ZNF407: variants seen among roughly 807,000 people sequenced by gnomAD.
ZNF407 encodes the protein zinc finger protein 407.
A neutral mutation model predicts 131.2 loss-of-function variants in ZNF407; 17 were observed. The observed-to-expected ratio is 0.13, with a 90% CI of 0.09 to 0.19. ZNF407 has a LOEUF of 0.19. ZNF407 is among the 10% of genes least tolerant of loss of function. The pLI, the probability that ZNF407 is intolerant of heterozygous loss-of-function variation, is 1.00. For synonymous variants in ZNF407, 1,156 were observed against 1,062.0 expected (o/e 1.09, Z -1.72); for missense variants, 2,681 against 2,830.6 (o/e 0.95, Z 1.20).
chr18:75,045,857 C>CAGA (rs1973429589), intron 8 of ZNF407, among the ~76,000 whole-genome samples: 1 of 152,114 alleles, frequency 6.6e-6, no homozygotes, highest in South Asian at 2.1e-4. Context: ...TACTCTTAAG[C>CAGA]AGAAGGATCA....
chr18:74,930,401 T>C (rs541009768), intron 8 of ZNF407, among the ~76,000 whole-genome samples: 1 of 152,306 alleles, frequency 6.6e-6, no homozygotes, highest in African/African-American at 2.4e-5. Context: ...TTTACCTTTT[T>C]AATCAGTACA....
Position 74,794,984 on chromosome 18 carries a change from A to T in ZNF407, c.4877+13482A>T, listed in dbSNP as rs188524907. Among the ~76,000 whole-genome samples, 412 of 152,282 alleles carry T rather than the reference A, an allele frequency of 2.7e-3. 4 individuals carry two copies. The highest frequency in any genetic ancestry group is 9.4e-3 in the African/African-American group (390 of 41,570). ...TATATTTGTTTAAATGAACAAGAAA[A>T]TGCTTGTTTTTAGTCTTCAGCTTAT... On this transcript the variant is annotated intron_variant, in intron 4 of 8. Coordinates refer to ENST00000299687, the MANE Select transcript of ZNF407 (RefSeq NM_017757.3).
chr18:74,756,182 G>A (rs772506749), intron 3 of ZNF407, among the ~76,000 whole-genome samples: 9 of 151,956 alleles, frequency 5.9e-5, no homozygotes, highest in Non-Finnish European at 1.3e-4. Flanking sequence ...ATGAGCCACA[G>A]CGCCTGGCCA....
intron 3 of ZNF407, among the ~76,000 whole-genome samples, chr18:74,733,284 C>T (rs1465630912): frequency 6.6e-6 from 1 of 152,140 alleles, no homozygotes; most frequent in Non-Finnish European, 1.5e-5. Context: ...TCTTTCTATA[C>T]TAAGCACTCT....
intron 3 of ZNF407, among the ~76,000 whole-genome samples, chr18:74,710,010 AAAT>A (rs1256399663): frequency 1.3e-5 from 2 of 152,222 alleles, no homozygotes; most frequent in East Asian, 3.9e-4. Context: ...GACCTGAAAA[AAAT>A]GTCTGTTTGT....
At chr18:74,639,482 T>C (rs1984611068) in intron 2 of ZNF407, among the ~76,000 whole-genome samples, 1 of 152,234 alleles carries the variant, frequency 6.6e-6, no homozygotes, top group African/African-American at 2.4e-5. Flanking sequence ...ATGTTCAAAG[T>C]AGTGATAGGC....
chr18:74,772,261 A>G (rs1248203115), intron 3 of ZNF407, among the ~76,000 whole-genome samples: 1 of 152,208 alleles, frequency 6.6e-6, no homozygotes, highest in East Asian at 1.9e-4. Context: ...TAAACTATAC[A>G]TCTGTAACTA....
chr18:74,693,157 T>C (rs1189651659), intron 3 of ZNF407, among the ~76,000 whole-genome samples: 1 of 152,228 alleles, frequency 6.6e-6, no homozygotes, highest in Non-Finnish European at 1.5e-5. Context: ...CAAGCTGACA[T>C]GTACATGTAT....
rs761473965 is a variant in ZNF407, at chr18:74,632,552, C to T, written c.1533C>T (p.Ser511=). The change falls in exon 2 of 9, where the codon TCC becomes TCT. Residue 511 remains serine (S), a synonymous_variant. Transcript: ENST00000299687. ...QGQGSARPPD[S]GLHSLTVKPA... ...AGGGGAGTGCCCGTCCTCCGGACTC[C>T]GGGCTGCATTCCCTGACAGTGAAGC... is the stretch of plus-strand genomic sequence containing the variant. 1.3e-5 allele frequency: 21 copies of T among 1,613,896 alleles called. No homozygotes were observed. In the East Asian group the frequency reaches 1.3e-4, roughly 10 times the overall value.
rs926603887 is a variant in ZNF407 at position 74,946,239 on chromosome 18, G to A, written c.5428+25547G>A. ...ACTCCAATTTAGAGAATCATTTTCA[G>A]GTTTGTGACTAACAGTATGATTGAA... On this transcript the variant is annotated intron_variant, in intron 8 of 8. Transcript: ENST00000299687. 1.1e-4 allele frequency among the ~76,000 whole-genome samples: 17 copies of A among 152,258 alleles called. No individual in the cohort carries two copies. The East Asian group carries it at 3.3e-3, about 29-fold the overall frequency.
At chr18:74,661,711 A>G (rs1568152234) in intron 3 of ZNF407, among the ~76,000 whole-genome samples, 2 of 152,216 alleles carry the variant, frequency 1.3e-5, no homozygotes, top group Non-Finnish European at 2.9e-5. Flanking sequence ...TCCATTTTAA[A>G]TAAAACAAAA....
At chr18:74,679,698 T>A (rs546265566) in intron 3 of ZNF407, among the ~76,000 whole-genome samples, 20 of 152,348 alleles carry the variant, frequency 1.3e-4, no homozygotes, top group African/African-American at 4.3e-4. Context: ...GTTGCTTCTT[T>A]GCATCTCCCC....
chr18:74,706,642 A>G (rs1967630096), intron 3 of ZNF407, among the ~76,000 whole-genome samples: 1 of 152,200 alleles, frequency 6.6e-6, no homozygotes, highest in Admixed American at 6.5e-5. Context: ...AACAAAAACA[A>G]TGTGAGAGAA....
rs75811741 is a variant in ZNF407, at chr18:74,899,146, G to A, written c.5249+9108G>A. On this transcript the variant is annotated intron_variant, in intron 7 of 8. Transcript: ENST00000299687. Reference sequence around the variant, plus strand: ...TGTTTCCCTCCAAAAGCAGTAGGGAGCCAGTGGAGGATGTTGAGCAGGAAA... The same window carrying A: ...TGTTTCCCTCCAAAAGCAGTAGGGAACCAGTGGAGGATGTTGAGCAGGAAA... Among the ~76,000 whole-genome samples the A allele has an allele frequency of 2.6e-5, 4 of 152,318 alleles. No homozygotes were observed. The East Asian group carries it at 7.7e-4, about 29-fold the overall frequency.
chr18:74,776,920 TCA>T (rs1969484690), intron 3 of ZNF407, among the ~76,000 whole-genome samples: 1 of 152,190 alleles, frequency 6.6e-6, no homozygotes, highest in Non-Finnish European at 1.5e-5. Context: ...ATAAAGGACT[TCA>T]TCCTTTTGAT....
intron 4 of ZNF407, among the ~76,000 whole-genome samples, chr18:74,813,706 C>T (rs1197140007): frequency 6.6e-6 from 1 of 152,154 alleles, no homozygotes; most frequent in Non-Finnish European, 1.5e-5. Flanking sequence ...GCTCCAAGGG[C>T]CCCTTTGTCC....
chr18:74,753,158 G>A (rs562532182), intron 3 of ZNF407, among the ~76,000 whole-genome samples: 4 of 152,266 alleles, frequency 2.6e-5, no homozygotes, highest in Admixed American at 1.3e-4. Context: ...GTGAATGGGA[G>A]TTCACTCATG....
At chr18:74,656,373 A>G (rs1384735507) in intron 3 of ZNF407, among the ~76,000 whole-genome samples, 3 of 152,148 alleles carry the variant, frequency 2.0e-5, no homozygotes, top group South Asian at 2.1e-4. Flanking sequence ...ACATACATAC[A>G]TTTATACACA....
chr18:74,982,249 C>A (rs1972601477), intron 8 of ZNF407, among the ~76,000 whole-genome samples: 1 of 152,204 alleles, frequency 6.6e-6, no homozygotes, highest in African/African-American at 2.4e-5. Flanking sequence ...GATGTGTTAA[C>A]CTTTTCTACA....
Sources: allele counts gnomAD v4.1 joint callset (sites outside exome capture counted in the v4.1 genomes callset), GRCh38; gene constraint gnomAD v4.1.1; transcripts MANE v1.5; gene names NCBI Gene and HGNC (gene_info 2026-07-23, HGNC 2026-07-21).